The following RANBP2 variants were observed in gnomAD, a reference collection of about 807,000 sequenced individuals.
RANBP2 encodes RAN binding protein 2.
In RANBP2, 57 loss-of-function variants were observed where a neutral mutation model predicts 303.6. The ratio of observed to expected loss-of-function variants is 0.19; its 90% CI spans 0.15 to 0.23. The LOEUF (loss-of-function observed/expected upper bound fraction) is 0.23. RANBP2 is among the 10% of genes least tolerant of loss of function. RANBP2 has a pLI of 1.00. For synonymous variants in RANBP2, 1,167 were observed against 1,301.5 expected, an observed-to-expected ratio of 0.90 and a Z score of 2.23; for missense variants, 3,138 against 3,780.8, an observed-to-expected ratio of 0.83 and a Z score of 4.46.
At chr2:109,470,750 G>A in the RANBP2 span, among the ~76,000 whole-genome samples, 52 of 152,212 alleles carry the variant, frequency 3.4e-4, 1 homozygote, top group Admixed American at 3.4e-3. Context: ...AGAGGCCTCG[G>A]CTCAGCCACC....
At chr2:109,359,581 C>T in the RANBP2 span, among the ~76,000 whole-genome samples, 1 of 152,104 alleles carries the variant, frequency 6.6e-6, no homozygotes, top group Non-Finnish European at 1.5e-5. Flanking sequence ...CATGTTTTAA[C>T]TTAAATTTCA....
At chr2:109,277,742 C>A in the RANBP2 span, among the ~76,000 whole-genome samples, 4 of 152,202 alleles carry the variant, frequency 2.6e-5, no homozygotes, top group African/African-American at 7.2e-5. Context: ...ACAAGCGTGG[C>A]TGTGGGTGGA....
intron 23 of RANBP2, among the ~76,000 whole-genome samples, chr2:108,773,812 A>G (rs1677686265): frequency 6.6e-6 from 1 of 152,026 alleles, no homozygotes; most frequent in African/African-American, 2.4e-5. Context: ...ACGCCCAGCT[A>G]ATTTTTGTAT....
At chr2:109,016,001 G>A in the RANBP2 span, among the ~76,000 whole-genome samples, 1 of 152,194 alleles carries the variant, frequency 6.6e-6, no homozygotes, top group Non-Finnish European at 1.5e-5. Context: ...TAGCACACAT[G>A]GGGCATCTTA....
At chr2:109,085,843 G>A in the RANBP2 span, among the ~76,000 whole-genome samples, 8 of 151,788 alleles carry the variant, frequency 5.3e-5, no homozygotes, top group Admixed American at 2.0e-4. Flanking sequence ...GGCCTCAGGC[G>A]ATCCACCCAC....
At chr2:108,990,258 C>T in the RANBP2 span, among the ~76,000 whole-genome samples, 1 of 151,506 alleles carries the variant, frequency 6.6e-6, no homozygotes, top group Admixed American at 6.6e-5. Flanking sequence ...GGTGAAACCC[C>T]GTCTCTACTA....
At chr2:108,778,986 T>G (rs1678059008) in intron 25 of RANBP2, among the ~76,000 whole-genome samples, 1 of 152,200 alleles carries the variant, frequency 6.6e-6, no homozygotes, top group Admixed American at 6.5e-5. Flanking sequence ...CACCTTGGCC[T>G]TGCACAGTGC....
chr2:109,567,705 G>T, the RANBP2 span: 1 of 1,097,230 alleles, frequency 9.1e-7, no homozygotes, highest in Non-Finnish European at 1.2e-6. Context: ...CACCTTGTTT[G>T]AAGTCTTTTT....
the RANBP2 span, among the ~76,000 whole-genome samples, chr2:109,277,421 T>C: frequency 6.6e-6 from 1 of 152,230 alleles, no homozygotes; most frequent in African/African-American, 2.4e-5. Context: ...TCTCAATTAC[T>C]ACGACTGTAT....
the RANBP2 span, among the ~76,000 whole-genome samples, chr2:109,697,246 G>A: frequency 6.6e-6 from 1 of 152,146 alleles, no homozygotes; most frequent in African/African-American, 2.4e-5. Context: ...TCCCAGCACT[G>A]TGGGAGGCCG....
the RANBP2 span, among the ~76,000 whole-genome samples, chr2:109,636,308 G>T: frequency 1.3e-5 from 2 of 152,038 alleles, no homozygotes; most frequent in Non-Finnish European, 2.9e-5. Flanking sequence ...AGCATACCAA[G>T]ATTTTTTTTT....
the RANBP2 span, among the ~76,000 whole-genome samples, chr2:109,290,486 G>C: frequency 1.3e-5 from 2 of 152,178 alleles, no homozygotes; most frequent in Non-Finnish European, 2.9e-5. Flanking sequence ...ATTCTATAGC[G>C]CCCAACTTCT....
At chr2:109,544,237 A>T in the RANBP2 span, 1 of 1,612,300 alleles carries the variant, frequency 6.2e-7, no homozygotes, top group Non-Finnish European at 8.5e-7. Context: ...AGCAAAATCA[A>T]AGCACACTTC....
Position 108,785,431 on chromosome 2 carries a change from G to A in RANBP2, c.*1530G>A, listed in dbSNP as rs1258664865. ...TTGTAACTTTTCAGCTGAGACAGTT[G>A]ATGCCTTCGTCATGATTTTAGAATA... On this transcript the variant is annotated 3_prime_UTR_variant, in exon 29 of 29. Coordinates refer to ENST00000283195, the MANE Select transcript of RANBP2 (RefSeq NM_006267.5). The A allele has an allele frequency of 6.6e-6, 1 of 152,192 alleles. No individual in the cohort carries two copies. The highest frequency in any genetic ancestry group is 1.9e-4 in the East Asian group (1 of 5,196). 9.4% of individuals were successfully genotyped at this position (152,192 alleles called of 1,614,324 possible).
chr2:109,692,567 G>C, the RANBP2 span, among the ~76,000 whole-genome samples: 8 of 152,178 alleles, frequency 5.3e-5, no homozygotes, highest in Non-Finnish European at 8.8e-5. Context: ...TTTTTGTTTG[G>C]TTTTGGCTCA....
the RANBP2 span, among the ~76,000 whole-genome samples, chr2:109,559,902 A>T: frequency 6.9e-6 from 1 of 145,250 alleles, no homozygotes; most frequent in Non-Finnish European, 1.5e-5. Flanking sequence ...TGTAGCCTCC[A>T]ACCAATGCCT....
the RANBP2 span, among the ~76,000 whole-genome samples, chr2:109,181,865 A>G: frequency 6.6e-6 from 1 of 152,156 alleles, no homozygotes; most frequent in Admixed American, 6.5e-5. Flanking sequence ...CCTGGCAGGA[A>G]TTAGGTTTAT....
At chr2:108,925,509 C>A in the RANBP2 span, among the ~76,000 whole-genome samples, 1 of 152,188 alleles carries the variant, frequency 6.6e-6, no homozygotes, top group Non-Finnish European at 1.5e-5. Context: ...GTCCTGGGCA[C>A]GAGGCACCTT....
the RANBP2 span, among the ~76,000 whole-genome samples, chr2:109,008,746 T>TA: frequency 6.8e-6 from 1 of 146,588 alleles, no homozygotes; most frequent in Non-Finnish European, 1.5e-5. Context: ...ACTAAAAATA[T>TA]AAAAAATTAG....
Sources: allele counts gnomAD v4.1 joint callset (sites outside exome capture counted in the v4.1 genomes callset), GRCh38; gene constraint gnomAD v4.1.1; transcripts MANE v1.5; gene names NCBI Gene and HGNC (gene_info 2026-07-23, HGNC 2026-07-21).